The following BCKDHB variants were observed in gnomAD, a reference collection of about 807,000 sequenced individuals.
BCKDHB encodes 2-oxoisovalerate dehydrogenase subunit beta, mitochondrial.
A neutral mutation model predicts 48.5 loss-of-function variants in BCKDHB; 41 were observed. The ratio of observed to expected loss-of-function variants is 0.85; its 90% confidence interval spans 0.66 to 1.10. The LOEUF (loss-of-function observed/expected upper bound fraction) is 1.10, where lower values mean the gene tolerates loss of function less well. Among genes scored for constraint, BCKDHB ranks in the 50% least tolerant of loss-of-function variants. The pLI is 0.00. For missense variants in BCKDHB, 496 were observed against 494.2 expected, an observed-to-expected ratio of 1.00 and a Z score of -0.03; for synonymous variants, 201 against 174.8, an observed-to-expected ratio of 1.15 and a Z score of -1.18.
chr6:80,354,215 CTTTA>C, the BCKDHB span, among the ~76,000 whole-genome samples: 30,624 of 146,626 alleles, frequency 0.21, 3,526 homozygotes, highest in South Asian at 0.37. Flanking sequence ...ACCCATTTGT[CTTTA>C]TTTATTTATT....
chr6:80,266,472 T>C (rs1777518138), intron 8 of BCKDHB, among the ~76,000 whole-genome samples: 1 of 152,118 alleles, frequency 6.6e-6, no homozygotes, highest in South Asian at 2.1e-4. Flanking sequence ...CTAATAAATG[T>C]CCTCTAGTCC....
intron 8 of BCKDHB, among the ~76,000 whole-genome samples, chr6:80,205,464 G>C (rs773852987): frequency 3.3e-5 from 5 of 151,932 alleles, no homozygotes; most frequent in Non-Finnish European, 7.4e-5. Flanking sequence ...ACGATTCGTT[G>C]AACACACATT....
chr6:80,118,445 G>T (rs531069242), intron 1 of BCKDHB, among the ~76,000 whole-genome samples: 2 of 151,950 alleles, frequency 1.3e-5, no homozygotes, highest in African/African-American at 2.4e-5. Flanking sequence ...CTGGTGGAGG[G>T]TCTTGCCTTG....
chr6:80,264,032 C>A (rs1192999447), intron 8 of BCKDHB, among the ~76,000 whole-genome samples: 2 of 151,976 alleles, frequency 1.3e-5, no homozygotes, highest in Non-Finnish European at 2.9e-5. Context: ...TAGAAAAGAA[C>A]AAAGGAGTTG....
chr6:80,132,544 G>A (rs1299250357), intron 3 of BCKDHB, among the ~76,000 whole-genome samples: 2 of 152,258 alleles, frequency 1.3e-5, no homozygotes, highest in African/African-American at 4.8e-5. Context: ...GGTTAAAATG[G>A]GGAGAAACTA....
the BCKDHB span, among the ~76,000 whole-genome samples, chr6:80,431,420 T>C: frequency 2.0e-5 from 3 of 152,184 alleles, 1 homozygote; most frequent in South Asian, 6.2e-4. Flanking sequence ...GCCAGAGGGG[T>C]GTTAAAGTCT....
intron 3 of BCKDHB, among the ~76,000 whole-genome samples, chr6:80,142,189 T>C (rs1771253035): frequency 6.6e-6 from 1 of 152,098 alleles, no homozygotes; most frequent in Admixed American, 6.6e-5. Context: ...TGAGGAAATC[T>C]ATGTACGTAG....
chr6:80,118,827 T>A (rs185518978), intron 1 of BCKDHB, among the ~76,000 whole-genome samples: 100 of 152,338 alleles, frequency 6.6e-4, no homozygotes, highest in Admixed American at 1.3e-3. Context: ...AAGGCTCCAC[T>A]TTCTTTGAGT....
At chr6:80,324,218 C>T (rs1768911192) in intron 9 of BCKDHB, among the ~76,000 whole-genome samples, 1 of 152,138 alleles carries the variant, frequency 6.6e-6, no homozygotes, top group Non-Finnish European at 1.5e-5. Context: ...CCTGGTTATC[C>T]ATTACAATTT....
At chr6:80,318,715 TA>T (rs1022950709) in intron 9 of BCKDHB, among the ~76,000 whole-genome samples, 6 of 147,502 alleles carry the variant, frequency 4.1e-5, no homozygotes, top group Middle Eastern at 3.4e-3. Context: ...GAAAAGAAAT[TA>T]GAAAAAAAAA....
intron 8 of BCKDHB, among the ~76,000 whole-genome samples, chr6:80,221,615 A>G (rs537028675): frequency 1.3e-5 from 2 of 152,066 alleles, no homozygotes; most frequent in African/African-American, 2.4e-5. Flanking sequence ...TTTCTAATCT[A>G]TATTCTTATT....
At chr6:80,156,503 CAGTA>C (rs1772051206) in intron 3 of BCKDHB, among the ~76,000 whole-genome samples, 1 of 152,100 alleles carries the variant, frequency 6.6e-6, no homozygotes, top group Admixed American at 6.6e-5. Flanking sequence ...GTAAGTGTAT[CAGTA>C]AGTACAAAAA....
At chr6:80,183,811 C>T (rs1057432269) in intron 6 of BCKDHB, among the ~76,000 whole-genome samples, 8 of 152,102 alleles carry the variant, frequency 5.3e-5, no homozygotes, top group African/African-American at 1.9e-4. Flanking sequence ...TTATCTTTTC[C>T]AGAATGTCAT....
chr6:80,133,957 A>G (rs1193681454), intron 3 of BCKDHB, among the ~76,000 whole-genome samples: 1 of 152,146 alleles, frequency 6.6e-6, no homozygotes, highest in African/African-American at 2.4e-5. Flanking sequence ...ACATGCTTTC[A>G]TTCATATAAG....
chr6:80,300,550 CAGTAAT>C (rs1767527323), intron 9 of BCKDHB, among the ~76,000 whole-genome samples: 1 of 152,190 alleles, frequency 6.6e-6, no homozygotes, highest in South Asian at 2.1e-4. Context: ...GACAACCACA[CAGTAAT>C]AGTAGGAGAC....
rs1251997993 is a variant in BCKDHB, at chr6:80,160,418, G to A, written c.344-7260G>A. 2.6e-5 allele frequency among the ~76,000 whole-genome samples: 4 copies of A among 151,954 alleles called. 1 individual carries two copies. The South Asian group carries it at 6.2e-4, about 24-fold the overall frequency. The stretch of plus-strand genomic sequence containing the variant: ...AGTGATCCGCCCACCTCAGCCTCTC[G>A]AAGTGCTGGGATTACAGGCCTGAAC... On this transcript the variant is annotated intron_variant, in intron 3 of 9. Coordinates refer to ENST00000320393, the MANE Select transcript of BCKDHB (RefSeq NM_183050.4).
At chr6:80,445,144 G>T in the BCKDHB span, among the ~76,000 whole-genome samples, 3 of 152,094 alleles carry the variant, frequency 2.0e-5, no homozygotes, top group Admixed American at 2.0e-4. Flanking sequence ...TTCTTATCCT[G>T]TTTGGCTCTA....
chr6:80,397,937 A>G, the BCKDHB span, among the ~76,000 whole-genome samples: 2 of 152,134 alleles, frequency 1.3e-5, no homozygotes, highest in African/African-American at 4.8e-5. Context: ...ACTGAAAACC[A>G]TGCAAGTACA....
intron 3 of BCKDHB, among the ~76,000 whole-genome samples, chr6:80,160,959 A>C (rs1438313992): frequency 2.0e-5 from 3 of 151,056 alleles, no homozygotes; most frequent in Admixed American, 6.6e-5. Flanking sequence ...TTATTCAGCT[A>C]TCTGAGTTTA....
Sources: allele counts gnomAD v4.1 joint callset (sites outside exome capture counted in the v4.1 genomes callset), GRCh38; gene constraint gnomAD v4.1.1; transcripts MANE v1.5; gene names NCBI Gene and HGNC (gene_info 2026-07-23, HGNC 2026-07-21).